RORA: variants seen among roughly 807,000 people sequenced by gnomAD.
RORA encodes the protein nuclear receptor ROR-alpha.
Under a neutral mutation model 69.5 loss-of-function variants are expected in RORA, and 7 were observed. That is an observed-to-expected ratio of 0.10 (90% CI 0.06 to 0.19). The LOEUF (loss-of-function observed/expected upper bound fraction) is 0.19. Among genes scored for constraint, RORA ranks in the 10% least tolerant of loss-of-function variants. The pLI is 1.00. For synonymous variants in RORA, 261 were observed against 240.8 expected (o/e 1.08, Z -0.78); for missense variants, 457 against 663.0 (o/e 0.69, Z 3.41).
intron 1 of RORA, among the ~76,000 whole-genome samples, chr15:60,934,651 A>T (rs1197990282): frequency 6.6e-6 from 1 of 152,154 alleles, no homozygotes; most frequent in Non-Finnish European, 1.5e-5. Flanking sequence ...CTGGCTCAAG[A>T]ATTTGCATTT....
intron 6 of RORA, 83 bp downstream of exon 6, chr15:60,505,425 G>A: frequency 4.5e-6 from 6 of 1,339,492 alleles, no homozygotes; most frequent in Non-Finnish European, 6.4e-6. Context: ...TTTAGTCTGT[G>A]TGAACTCTTG....
intron 1 of RORA, among the ~76,000 whole-genome samples, chr15:61,054,381 T>C (rs775450918): frequency 6.6e-6 from 1 of 152,012 alleles, no homozygotes; most frequent in Non-Finnish European, 1.5e-5. Context: ...AGCACAGCTA[T>C]ACTCTTCTTC....
chr15:61,139,074 G>T (rs926757555), intron 1 of RORA, among the ~76,000 whole-genome samples: 64 of 152,072 alleles, frequency 4.2e-4, no homozygotes, highest in African/African-American at 1.5e-3. Flanking sequence ...AACCCAGGAG[G>T]CGGAGCTTGC....
intron 1 of RORA, among the ~76,000 whole-genome samples, chr15:61,214,949 C>T (rs1038936434): frequency 1.4e-5 from 2 of 147,250 alleles, no homozygotes. Flanking sequence ...ACTGTAAGCT[C>T]CGCCTCCTGG....
intron 1 of RORA, among the ~76,000 whole-genome samples, chr15:60,961,035 T>G (rs1005889349): frequency 6.6e-6 from 1 of 152,216 alleles, no homozygotes; most frequent in South Asian, 2.1e-4. Flanking sequence ...TCAGTTTATA[T>G]AGGCTTTATT....
At chr15:61,125,849 A>G (rs1416460459) in intron 1 of RORA, among the ~76,000 whole-genome samples, 4 of 152,196 alleles carry the variant, frequency 2.6e-5, no homozygotes, top group Non-Finnish European at 5.9e-5. Flanking sequence ...TAAAAAATCA[A>G]TTGGCTAAAA....
At chr15:61,138,945 A>T (rs576252532) in intron 1 of RORA, among the ~76,000 whole-genome samples, 24 of 152,258 alleles carry the variant, frequency 1.6e-4, no homozygotes, top group Admixed American at 1.4e-3. Context: ...GGAGATCGAG[A>T]CCATCCTGGC....
At chr15:61,092,395 GCT>G (rs1435433417) in intron 1 of RORA, among the ~76,000 whole-genome samples, 1 of 152,192 alleles carries the variant, frequency 6.6e-6, no homozygotes, top group African/African-American at 2.4e-5. Context: ...TCCATAATCT[GCT>G]CTGTTCTTTT....
chr15:60,907,811 C>T (rs1015763987), intron 1 of RORA, among the ~76,000 whole-genome samples: 14 of 152,170 alleles, frequency 9.2e-5, no homozygotes, highest in East Asian at 1.9e-4. Context: ...AAGGCTGCCC[C>T]GCTTGTCAAG....
At chr15:60,716,090 T>G (rs2071215218) in intron 1 of RORA, among the ~76,000 whole-genome samples, 1 of 151,942 alleles carries the variant, frequency 6.6e-6, no homozygotes, top group African/African-American at 2.4e-5. Flanking sequence ...AATATGCTAA[T>G]TCTGATTCAG....
intron 1 of RORA, among the ~76,000 whole-genome samples, chr15:60,912,265 G>GA (rs1284858641): frequency 1.3e-5 from 2 of 151,904 alleles, no homozygotes; most frequent in Non-Finnish European, 2.9e-5. Flanking sequence ...GAAAGAAAGA[G>GA]AAAAAAATAG....
chr15:60,962,021 C>G (rs993634978), intron 1 of RORA, among the ~76,000 whole-genome samples: 17 of 152,186 alleles, frequency 1.1e-4, no homozygotes, highest in African/African-American at 3.9e-4. Context: ...TTGAAAGGTG[C>G]CCCGGTCCTG....
intron 2 of RORA, among the ~76,000 whole-genome samples, chr15:60,649,182 A>C (rs78367268): frequency 0.011 from 1,661 of 152,084 alleles, 36 homozygotes; most frequent in East Asian, 0.082. Context: ...ACACTGGCTG[A>C]AGTCATGTAG....
chr15:60,714,543 TTAG>T (rs1220480120), intron 1 of RORA, among the ~76,000 whole-genome samples: 1 of 151,002 alleles, frequency 6.6e-6, no homozygotes, highest in Admixed American at 6.6e-5. Flanking sequence ...TTTTGTATTT[TTAG>T]TAGAGATGGG....
At chr15:60,931,863 G>C (rs974310) in intron 1 of RORA, among the ~76,000 whole-genome samples, 86,063 of 152,064 alleles carry the variant, frequency 0.57, 24,520 homozygotes, top group South Asian at 0.64. Flanking sequence ...GCTAAATATT[G>C]ATTCCTTCAA....
chr15:60,815,656 C>T (rs1179401433), intron 1 of RORA, among the ~76,000 whole-genome samples: 1 of 151,774 alleles, frequency 6.6e-6, no homozygotes, highest in Non-Finnish European at 1.5e-5. Flanking sequence ...GCCCACCCTC[C>T]CTGCCCCGCC....
At chr15:60,864,195 TA>T (rs1461634920) in intron 1 of RORA, among the ~76,000 whole-genome samples, 1 of 152,104 alleles carries the variant, frequency 6.6e-6, no homozygotes, top group Non-Finnish European at 1.5e-5. Flanking sequence ...TTGAGATGAT[TA>T]AAAAGGAAGA....
At chr15:60,866,968 C>T (rs918966382) in intron 1 of RORA, among the ~76,000 whole-genome samples, 1 of 152,012 alleles carries the variant, frequency 6.6e-6, no homozygotes, top group Non-Finnish European at 1.5e-5. Context: ...AGGGCTCAAG[C>T]GATTCTCATG....
chr15:61,194,346 T>C (rs1213442456), intron 1 of RORA, among the ~76,000 whole-genome samples: 3 of 151,652 alleles, frequency 2.0e-5, no homozygotes, highest in Admixed American at 6.6e-5. Context: ...GATCATGAGG[T>C]CAGGAGTTTG....
Sources: gnomAD v4.1 joint callset for allele counts (sites outside exome capture counted in the v4.1 genomes callset) on GRCh38, gnomAD v4.1.1 for gene constraint, MANE v1.5 for transcripts, NCBI Gene and HGNC (gene_info 2026-07-23, HGNC 2026-07-21) for gene names.